The following ASTN2 variants were observed in gnomAD, a reference collection of about 807,000 sequenced individuals.
ASTN2 encodes the protein astrotactin 2, also known as astrotactin-2.
In ASTN2, 54 loss-of-function variants were observed where a neutral mutation model predicts 139.8. That is an observed-to-expected ratio of 0.39 (90% CI 0.31 to 0.48). The LOEUF is 0.48. Among genes scored for constraint, ASTN2 ranks in the 20% least tolerant of loss-of-function variants. ASTN2 has a pLI of 0.95. For missense variants in ASTN2, 1,565 were observed against 1,725.1 expected (o/e 0.91, Z 1.64); for synonymous variants, 756 against 719.5 (o/e 1.05, Z -0.81).
intron 16 of ASTN2, among the ~76,000 whole-genome samples, chr9:116,682,119 C>T (rs1330805972): frequency 6.6e-6 from 1 of 151,918 alleles, no homozygotes; most frequent in Non-Finnish European, 1.5e-5. Context: ...TTTTCGCAAC[C>T]TACTTATCTG....
intron 10 of ASTN2, among the ~76,000 whole-genome samples, chr9:116,905,546 C>T (rs1458254489): frequency 6.6e-6 from 1 of 152,176 alleles, no homozygotes; most frequent in Non-Finnish European, 1.5e-5. Context: ...CACTCAGTCA[C>T]TTGCCTTTGT....
At chr9:117,048,965 T>TTTTC (rs1483815708) in intron 5 of ASTN2, among the ~76,000 whole-genome samples, 1 of 128,288 alleles carries the variant, frequency 7.8e-6, no homozygotes, top group African/African-American at 2.8e-5. Context: ...ATCCATTGCT[T>TTTTC]TTTTTTTTTT....
rs367610575 is a variant in ASTN2 at position 116,755,324 on chromosome 9, A to T, written c.2397-21801T>A. ...TCACTCCCTCCCTGAGAATCGCAGA[A>T]TGTGTCTGTATTCAGACATAGGGCC... On this transcript the variant is annotated intron_variant, in intron 13 of 22. Coordinates refer to ENST00000313400, the MANE Select transcript of ASTN2 (RefSeq NM_001365068.1). Among the ~76,000 whole-genome samples, 19 of 152,314 alleles carry T rather than the reference A, an allele frequency of 1.2e-4. 2 individuals are homozygous for T. The highest frequency in any genetic ancestry group is 4.3e-4 in the African/African-American group (18 of 41,568).
chr9:116,902,936 G>C (rs1342284048), intron 10 of ASTN2, among the ~76,000 whole-genome samples: 1 of 152,086 alleles, frequency 6.6e-6, no homozygotes, highest in Non-Finnish European at 1.5e-5. Context: ...AGCCCAGTAG[G>C]ATCTGACCAT....
At chr9:116,865,276 G>A (rs1311159240) in intron 10 of ASTN2, among the ~76,000 whole-genome samples, 2 of 151,862 alleles carry the variant, frequency 1.3e-5, no homozygotes, top group East Asian at 3.9e-4. Flanking sequence ...TTCAAGACCA[G>A]CTTAGAAAAT....
rs535099922 is a variant in ASTN2 at position 116,730,381 on chromosome 9, C to A, written c.2522-1285G>T. ...TCCTCCTTATGCTCCTTAGCCTTTT[C>A]AGGAATAAAATAGTTTTTTAGAGGC... On this transcript the variant is annotated intron_variant, in intron 14 of 22. Transcript: ENST00000313400. 1.3e-4 allele frequency among the ~76,000 whole-genome samples: 19 copies of A among 151,930 alleles called. No individual in the cohort carries two copies. In the South Asian group the frequency reaches 4.0e-3, roughly 32 times the overall value.
At chr9:116,925,959 C>T (rs1399065003) in intron 10 of ASTN2, among the ~76,000 whole-genome samples, 6 of 152,070 alleles carry the variant, frequency 3.9e-5, no homozygotes, top group Admixed American at 3.3e-4. Context: ...TCCTTCACTG[C>T]CTGTAAGGTA....
chr9:117,345,780 C>G (rs1829195636), intron 1 of ASTN2, among the ~76,000 whole-genome samples: 1 of 152,078 alleles, frequency 6.6e-6, no homozygotes, highest in African/African-American at 2.4e-5. Flanking sequence ...CAGATTGTTA[C>G]CAGAAAATAC....
At chr9:117,286,032 G>A (rs1834441476) in intron 2 of ASTN2, among the ~76,000 whole-genome samples, 1 of 152,122 alleles carries the variant, frequency 6.6e-6, no homozygotes, top group Non-Finnish European at 1.5e-5. Flanking sequence ...AGTAACTCTT[G>A]TGGAAATCTT....
At chr9:117,317,567 C>A (rs1273735957) in intron 1 of ASTN2, among the ~76,000 whole-genome samples, 1 of 152,174 alleles carries the variant, frequency 6.6e-6, no homozygotes, top group African/African-American at 2.4e-5. Flanking sequence ...AATGGCAGAA[C>A]TAGGGTTTTA....
At chr9:116,916,246 C>T (rs893497557) in intron 10 of ASTN2, among the ~76,000 whole-genome samples, 11 of 152,112 alleles carry the variant, frequency 7.2e-5, no homozygotes, top group Non-Finnish European at 1.3e-4. Flanking sequence ...AGTGTTGAGC[C>T]GTCAAAGCAA....
intron 16 of ASTN2, chr9:116,697,912 A>G (rs779432836): frequency 1.2e-6 from 2 of 1,614,200 alleles, no homozygotes; most frequent in Non-Finnish European, 1.7e-6. Flanking sequence ...AGTAGCATCA[A>G]TGGTGTCCGC....
At chr9:117,112,549 G>A (rs544127441) in intron 4 of ASTN2, among the ~76,000 whole-genome samples, 6 of 152,014 alleles carry the variant, frequency 3.9e-5, no homozygotes, top group Non-Finnish European at 7.4e-5. Context: ...AACAACTGGA[G>A]AGCCATATGC....
At chr9:117,089,360 T>C (rs1379508446) in intron 5 of ASTN2, among the ~76,000 whole-genome samples, 3 of 152,168 alleles carry the variant, frequency 2.0e-5, no homozygotes, top group Non-Finnish European at 4.4e-5. Flanking sequence ...TTCTTCCCAC[T>C]AGTAACCTAC....
At chr9:117,224,877 G>T (rs1449640094) in intron 2 of ASTN2, among the ~76,000 whole-genome samples, 4 of 152,110 alleles carry the variant, frequency 2.6e-5, no homozygotes, top group Admixed American at 1.3e-4. Flanking sequence ...GTTAGGTCTT[G>T]CAGTGACTCA....
chr9:116,618,200 T>C, intron 19 of ASTN2, 124 bp downstream of exon 19: 1 of 1,088,742 alleles, frequency 9.2e-7, no homozygotes, highest in Non-Finnish European at 1.3e-6. Context: ...GAAAAATCAC[T>C]AAACAATGAA....
intron 13 of ASTN2, among the ~76,000 whole-genome samples, chr9:116,800,953 T>C (rs971186989): frequency 2.0e-5 from 3 of 152,154 alleles, no homozygotes; most frequent in Non-Finnish European, 4.4e-5. Flanking sequence ...ATATCAGCAG[T>C]TGCTAGGTGG....
At position 116,698,207 on chromosome 9, in the gene ASTN2, T is replaced by G. The variant is rs749537116; in HGVS notation, c.2806+27564A>C. The G allele has an allele frequency of 6.2e-7, 1 of 1,614,152 alleles. No homozygotes were observed. On this transcript the variant is annotated intron_variant, in intron 16 of 22. Coordinates refer to ENST00000313400, the MANE Select transcript of ASTN2 (RefSeq NM_001365068.1). The surrounding 1 kb of genome is among the most constrained non-coding windows in gnomAD (Gnocchi z 4.4). The stretch of plus-strand genomic sequence containing the variant: ...GGGACTTTGGAGAGAAGTTAACTCG[T>G]CTGCGGGAACTTATGGGGGAGCTGC...
intron 11 of ASTN2, among the ~76,000 whole-genome samples, chr9:116,828,339 A>G (rs567272261): frequency 6.6e-6 from 1 of 152,128 alleles, no homozygotes; most frequent in South Asian, 2.1e-4. Flanking sequence ...CGAATCCAAC[A>G]GCACATCAGA....
Sources: gnomAD v4.1 joint callset for allele counts (sites outside exome capture counted in the v4.1 genomes callset) on GRCh38, gnomAD v4.1.1 for gene constraint, Gnocchi (gnomAD v3.1) non-coding constraint, MANE v1.5 for transcripts, NCBI Gene and HGNC (gene_info 2026-07-23, HGNC 2026-07-21) for gene names.